EEF1AKMT4: variants seen among roughly 807,000 people sequenced by gnomAD.
The protein encoded by EEF1AKMT4 is eukaryotic translation elongation factor 1 alpha lysine specific methyltransferase 4.
In EEF1AKMT4, 17 loss-of-function variants were observed where a neutral mutation model predicts 23.0. The observed-to-expected ratio is 0.74, with a 90% CI of 0.51 to 1.11. The LOEUF is 1.11. Ranked by LOEUF, EEF1AKMT4 falls within the 50% of genes least tolerant of loss-of-function variation. EEF1AKMT4 has a pLI of 0.00. For missense variants in EEF1AKMT4, 318 were observed against 333.4 expected (o/e 0.95, Z 0.36); for synonymous variants, 140 against 141.4 (o/e 0.99, Z 0.07).
In EEF1AKMT4 at chr3:184,249,701, T is replaced by C; in HGVS notation, c.7T>C (p.Ser3Pro). The C allele has an allele frequency of 6.3e-7, 1 of 1,599,936 alleles. No homozygotes were observed. Among genetic ancestry groups the C allele is most frequent in the Non-Finnish European group, 8.5e-7 (1 of 1,170,104 alleles). MA[S>P]PGAGRAPPEL... ...CTGCCCGGCGGTTGAGAGCATGGCCTCTCCAGGGGCAGGTAGGGCGCCTCC... is the reference window on the plus strand; with the variant it reads ...CTGCCCGGCGGTTGAGAGCATGGCCCCTCCAGGGGCAGGTAGGGCGCCTCC... The change falls in exon 1 of 3, where the codon TCT becomes CCT. Residue 3 changes from serine (S) to proline (P), a missense_variant. By Grantham distance (74) the Ser-to-Pro change is moderately conservative. Coordinates refer to ENST00000324557, the MANE Select transcript of EEF1AKMT4 (RefSeq NM_032331.4).
intron 1 of EEF1AKMT4, among the ~76,000 whole-genome samples, chr3:184,251,362 G>A (rs539841583): frequency 4.6e-5 from 7 of 151,786 alleles, no homozygotes; most frequent in African/African-American, 1.2e-4. Context: ...GTGAAACCCC[G>A]TCTCTACTAA....
intron 1 of EEF1AKMT4, among the ~76,000 whole-genome samples, chr3:184,253,201 G>A (rs968749194): frequency 1.1e-4 from 16 of 152,126 alleles, no homozygotes; most frequent in African/African-American, 3.6e-4. Flanking sequence ...GGTAGTTTCA[G>A]CCTGAAGAGT....
At chr3:184,258,212 A>G (rs2108452173) in intron 2 of EEF1AKMT4, 76 bp from the exon 3 acceptor site, 1 of 1,348,308 alleles carries the variant, frequency 7.4e-7, no homozygotes, top group Non-Finnish European at 1.0e-6. Flanking sequence ...TGACTGGGAG[A>G]GCATCTGGAG....
chr3:184,253,885 G>A (rs889818487), intron 1 of EEF1AKMT4, among the ~76,000 whole-genome samples: 1 of 152,026 alleles, frequency 6.6e-6, no homozygotes, highest in Admixed American at 6.6e-5. Flanking sequence ...GGCCAGGCTG[G>A]TCTCCAATTC....
At position 184,258,715 on chromosome 3, in the gene EEF1AKMT4, C is replaced by A; in HGVS notation, c.*140C>A. On this transcript the variant is annotated 3_prime_UTR_variant, in exon 3 of 3. Transcript: ENST00000324557. ...TCATGCCTAAGATAGAGGGTGGGAGCGAACCCACATGAACCAATACAGCCC... is the reference window on the plus strand; with the variant it reads ...TCATGCCTAAGATAGAGGGTGGGAGAGAACCCACATGAACCAATACAGCCC... 7.0e-7 allele frequency: 1 copy of A among 1,429,958 alleles called. No homozygotes were observed. Among genetic ancestry groups the A allele is most frequent in the Non-Finnish European group, 9.1e-7 (1 of 1,096,484 alleles). 88.6% of individuals were successfully genotyped at this position (1,429,958 alleles called of 1,614,324 possible).
At chr3:184,255,103 A>G (rs190294089) in intron 1 of EEF1AKMT4, among the ~76,000 whole-genome samples, 38 of 152,300 alleles carry the variant, frequency 2.5e-4, no homozygotes, top group Non-Finnish European at 4.9e-4. Context: ...ATCCTGTACT[A>G]AGGAGAACAA....
chr3:184,256,286 A>AG (rs1453482628), intron 1 of EEF1AKMT4, among the ~76,000 whole-genome samples: 1 of 146,562 alleles, frequency 6.8e-6, no homozygotes, highest in Non-Finnish European at 1.5e-5. Flanking sequence ...AAAAAAAAAA[A>AG]AAAAGAAAAG....
chr3:184,257,447 T>C (rs1385989045), intron 1 of EEF1AKMT4, 26 bp from the exon 2 acceptor site: 1 of 1,578,480 alleles, frequency 6.3e-7, no homozygotes, highest in African/African-American at 1.3e-5. Context: ...CGTAGCTCTT[T>C]TGCTACCCAT....
At chr3:184,250,769 GA>G (rs952531684) in intron 1 of EEF1AKMT4, among the ~76,000 whole-genome samples, 11 of 152,024 alleles carry the variant, frequency 7.2e-5, no homozygotes, top group African/African-American at 1.4e-4. Flanking sequence ...ACTAGGGATA[GA>G]AAAAAAAGTA....
At chr3:184,251,056 GC>G (rs1403063762) in intron 1 of EEF1AKMT4, among the ~76,000 whole-genome samples, 1 of 143,320 alleles carries the variant, frequency 7.0e-6, no homozygotes, top group African/African-American at 2.6e-5. Context: ...TTGCACTCCA[GC>G]CTGTGCAAGA....
intron 1 of EEF1AKMT4, among the ~76,000 whole-genome samples, chr3:184,251,164 G>T (rs944975634): frequency 8.5e-5 from 13 of 152,080 alleles, no homozygotes; most frequent in Non-Finnish European, 1.6e-4. Flanking sequence ...CAGCACTTTG[G>T]GAGGCCAAGG....
At chr3:184,251,606 G>T (rs1455882953) in intron 1 of EEF1AKMT4, among the ~76,000 whole-genome samples, 1 of 152,200 alleles carries the variant, frequency 6.6e-6, no homozygotes, top group Non-Finnish European at 1.5e-5. Flanking sequence ...AAGAGGCTGA[G>T]GCAGGAGGAT....
chr3:184,249,975 C>T (rs1477649143), intron 1 of EEF1AKMT4, 85 bp downstream of exon 1: 2 of 1,444,384 alleles, frequency 1.4e-6, no homozygotes, highest in African/African-American at 2.8e-5. Context: ...TTCCTCCCGC[C>T]TGTCTATCCC....
At chr3:184,251,667 G>T (rs1433832146) in intron 1 of EEF1AKMT4, among the ~76,000 whole-genome samples, 2 of 152,124 alleles carry the variant, frequency 1.3e-5, no homozygotes, top group African/African-American at 4.8e-5. Context: ...GCTCCAATGG[G>T]CTCCAGCCTA....
chr3:184,251,365 T>C (rs1304718752), intron 1 of EEF1AKMT4, among the ~76,000 whole-genome samples: 1 of 151,854 alleles, frequency 6.6e-6, no homozygotes, highest in East Asian at 1.9e-4. Context: ...AAACCCCGTC[T>C]CTACTAAAAA....
chr3:184,258,683 AG>A lies in EEF1AKMT4; in HGVS notation c.*112del. 6.7e-7 allele frequency: 1 copy of A among 1,486,400 alleles called. No homozygotes were observed. The allele number at this position is 1,486,400 out of a possible 1,614,324, so 92.1% of individuals were successfully genotyped here. On this transcript the variant is annotated 3_prime_UTR_variant, in exon 3 of 3. Coordinates refer to ENST00000324557, the MANE Select transcript of EEF1AKMT4 (RefSeq NM_032331.4). ...GTTGGGTCCAAGGTGCTTACATCCC[AG>A]GGGCCTCATGCCTAAGATAGAGGGT... is the stretch of plus-strand genomic sequence containing the variant.
chr3:184,256,517 G>A (rs1175763263), intron 1 of EEF1AKMT4, among the ~76,000 whole-genome samples: 1 of 152,020 alleles, frequency 6.6e-6, no homozygotes, highest in Non-Finnish European at 1.5e-5. Flanking sequence ...TGGTCCTAAT[G>A]ATACCAGTAT....
At position 184,257,806 on chromosome 3, in the gene EEF1AKMT4, G is replaced by C. The variant is rs779498515; in HGVS notation, c.480+50G>C. Reference sequence around the variant, plus strand: ...GCAGATCAATAGGTGGGGCTGCGGGGTTGAGGTTTCAGGGGACTGGAAGAA... The same window carrying C: ...GCAGATCAATAGGTGGGGCTGCGGGCTTGAGGTTTCAGGGGACTGGAAGAA... On this transcript the variant is annotated intron_variant, in intron 2 of 2. Coordinates refer to ENST00000324557, the MANE Select transcript of EEF1AKMT4 (RefSeq NM_032331.4). 7 of 1,563,382 alleles carry C rather than the reference G, an allele frequency of 4.5e-6. No homozygotes were observed. The Admixed American group carries it at 1.3e-4, about 28-fold the overall frequency.
intron 1 of EEF1AKMT4, among the ~76,000 whole-genome samples, chr3:184,256,748 G>A (rs930970877): frequency 1.3e-5 from 2 of 150,822 alleles, no homozygotes; most frequent in Non-Finnish European, 1.5e-5. Flanking sequence ...TTGGCTCACC[G>A]CAATCTCCGC....
Sources: gnomAD v4.1 joint callset for allele counts (sites outside exome capture counted in the v4.1 genomes callset) on GRCh38, gnomAD v4.1.1 for gene constraint, MANE v1.5 for transcripts, NCBI Gene and HGNC (gene_info 2026-07-23, HGNC 2026-07-21) for gene names.